The following SIL1 variants were observed in gnomAD, a reference collection of about 807,000 sequenced individuals.
SIL1 encodes nucleotide exchange factor SIL1.
In SIL1, 40 loss-of-function variants were observed where a neutral mutation model predicts 49.1. The ratio of observed to expected loss-of-function variants is 0.81; its 90% CI spans 0.63 to 1.06. The LOEUF (loss-of-function observed/expected upper bound fraction) is 1.06, where lower values mean the gene tolerates loss of function less well. Ranked by LOEUF, SIL1 falls within the 50% of genes least tolerant of loss-of-function variation. The pLI is 0.00. For synonymous variants in SIL1, 253 were observed against 250.8 expected, an observed-to-expected ratio of 1.01 and a Z score of -0.08; for missense variants, 500 against 572.6, an observed-to-expected ratio of 0.87 and a Z score of 1.29.
chr5:139,111,339 A>G (rs565103941), intron 3 of SIL1, among the ~76,000 whole-genome samples: 47 of 152,214 alleles, frequency 3.1e-4, no homozygotes, highest in Non-Finnish European at 5.6e-4. Flanking sequence ...TTATGAAGCC[A>G]AGACTGTCCA....
At chr5:139,160,176 CACACACACACAA>C (rs1166225025) in intron 1 of SIL1, among the ~76,000 whole-genome samples, 1 of 150,086 alleles carries the variant, frequency 6.7e-6, no homozygotes, top group Non-Finnish European at 1.5e-5. Flanking sequence ...CACACACACA[CACACACACACAA>C]AAGTTATAGC....
At chr5:139,015,585 C>T (rs745360433) in intron 7 of SIL1, among the ~76,000 whole-genome samples, 1 of 152,240 alleles carries the variant, frequency 6.6e-6, no homozygotes, top group Non-Finnish European at 1.5e-5. Context: ...TTATCCTCCT[C>T]AGCATGTTGG....
At chr5:138,971,690 A>G (rs140330997) in intron 7 of SIL1, among the ~76,000 whole-genome samples, 105 of 152,296 alleles carry the variant, frequency 6.9e-4, no homozygotes, top group African/African-American at 2.4e-3. Context: ...CTCTATTCCA[A>G]TATACCCCTA....
intron 7 of SIL1, among the ~76,000 whole-genome samples, chr5:138,989,897 G>A (rs575031223): frequency 6.6e-6 from 1 of 152,238 alleles, no homozygotes; most frequent in East Asian, 1.9e-4. Context: ...TTCTCATTCT[G>A]ACTGCCAGCT....
intron 5 of SIL1, among the ~76,000 whole-genome samples, chr5:139,039,115 G>A (rs1768983664): frequency 6.6e-6 from 1 of 152,186 alleles, no homozygotes. Context: ...ATTGGGCAGA[G>A]GATGAAAAGT....
intron 3 of SIL1, among the ~76,000 whole-genome samples, chr5:139,119,808 G>GATAT (rs1750580321): frequency 6.6e-6 from 1 of 152,128 alleles, no homozygotes; most frequent in Non-Finnish European, 1.5e-5. Context: ...AAAATCAGCG[G>GATAT]ATATAGTCCG....
chr5:139,153,638 AC>A (rs1751350627), intron 1 of SIL1, among the ~76,000 whole-genome samples: 1 of 152,122 alleles, frequency 6.6e-6, no homozygotes, highest in African/African-American at 2.4e-5. Context: ...TGAGGCCTTG[AC>A]CTTAAGCACG....
At chr5:139,055,772 C>T (rs1451866522) in intron 3 of SIL1, among the ~76,000 whole-genome samples, 2 of 147,218 alleles carry the variant, frequency 1.4e-5, no homozygotes, top group African/African-American at 5.1e-5. Context: ...ACCTCCCTGC[C>T]TGATTCTCCT....
intron 5 of SIL1, among the ~76,000 whole-genome samples, chr5:139,033,350 T>C (rs1768833767): frequency 6.6e-6 from 1 of 151,986 alleles, no homozygotes; most frequent in Non-Finnish European, 1.5e-5. Flanking sequence ...GATTTTTCTC[T>C]ACTGTTTTCA....
At chr5:138,982,611 C>A (rs1224558805) in intron 7 of SIL1, among the ~76,000 whole-genome samples, 1 of 152,208 alleles carries the variant, frequency 6.6e-6, no homozygotes, top group African/African-American at 2.4e-5. Context: ...TTCCCCACTT[C>A]AAGTAAAGGG....
rs372560852 is a variant in SIL1, at chr5:139,137,329, G to T, written c.-10-9476C>A. 4 of 702,316 alleles carry T rather than the reference G, an allele frequency of 5.7e-6. No individual in the cohort carries two copies. The African/African-American group carries it at 7.0e-5, about 12-fold the overall frequency. The allele number at this position is 702,316 out of a possible 1,614,324, so 43.5% of individuals were successfully genotyped here. A position where few individuals can be genotyped will look rare whatever the true frequency, so the allele number is the denominator to read the frequency against. On this transcript the variant is annotated intron_variant, in intron 1 of 9. Coordinates refer to ENST00000394817, the MANE Select transcript of SIL1 (RefSeq NM_022464.5). The stretch of plus-strand genomic sequence containing the variant: ...CCAAAATTCAGAGAGGTTAAGTAAC[G>T]TGCCAGAGTTCATGCAGCCACAGAG...
intron 1 of SIL1, among the ~76,000 whole-genome samples, chr5:139,150,403 C>A (rs1751272925): frequency 6.6e-6 from 1 of 152,164 alleles, no homozygotes; most frequent in Non-Finnish European, 1.5e-5. Context: ...CCTTCCCTGT[C>A]TTCTATCCCC....
At chr5:139,184,988 C>G (rs1752053292) in intron 1 of SIL1, among the ~76,000 whole-genome samples, 1 of 152,214 alleles carries the variant, frequency 6.6e-6, no homozygotes, top group African/African-American at 2.4e-5. Context: ...AATAACAATA[C>G]AGCAGGTCTC....
intron 7 of SIL1, among the ~76,000 whole-genome samples, chr5:139,017,414 C>CT (rs1403070317): frequency 6.6e-6 from 1 of 152,144 alleles, no homozygotes; most frequent in Non-Finnish European, 1.5e-5. Context: ...CATGTACATC[C>CT]TTTTTTGTAC....
intron 5 of SIL1, chr5:139,035,647 T>G: frequency 4.2e-6 from 1 of 239,704 alleles, no homozygotes; most frequent in Non-Finnish European, 8.1e-6. Context: ...TACAACTTTT[T>G]TTTTTTTTTT....
intron 1 of SIL1, 121 bp downstream of exon 1, chr5:139,198,148 G>T (rs985128714): frequency 1.3e-5 from 2 of 152,344 alleles, no homozygotes; most frequent in African/African-American, 4.8e-5. Flanking sequence ...ACACTAGTGA[G>T]GATGTGTGGG....
At chr5:139,084,207 A>C (rs1317598039) in intron 3 of SIL1, among the ~76,000 whole-genome samples, 3 of 151,774 alleles carry the variant, frequency 2.0e-5, no homozygotes, top group Non-Finnish European at 4.4e-5. Context: ...TAGTTCAACC[A>C]TTGTGGAAGT....
chr5:139,119,591 T>C (rs2151792509), intron 3 of SIL1, among the ~76,000 whole-genome samples: 1 of 152,108 alleles, frequency 6.6e-6, no homozygotes, highest in South Asian at 2.1e-4. Context: ...CAAAACCTAG[T>C]CTCTACAAAA....
chr5:139,015,032 T>A lies in SIL1; in HGVS notation c.767+6139A>T, dbSNP rs766570503. ...GGGTCAAGGTGCGGTATCTGAATCA[T>A]CCATGATTACATCATTAATAATAAA... On this transcript the variant is annotated intron_variant, in intron 7 of 9. Transcript: ENST00000394817. 1.4e-4 allele frequency among the ~76,000 whole-genome samples: 21 copies of A among 152,340 alleles called. 1 individual carries two copies. Among genetic ancestry groups the A allele is most frequent in the Non-Finnish European group, 2.6e-4 (18 of 68,032 alleles).
Sources: allele counts gnomAD v4.1 joint callset (sites outside exome capture counted in the v4.1 genomes callset), GRCh38; gene constraint gnomAD v4.1.1; transcripts MANE v1.5; gene names NCBI Gene and HGNC (gene_info 2026-07-23, HGNC 2026-07-21).